The following ESD variants were observed in gnomAD, a reference collection of about 807,000 sequenced individuals.
ESD encodes esterase D, also known as S-formylglutathione hydrolase.
Under a neutral mutation model 38.1 loss-of-function variants are expected in ESD, and 34 were observed. The observed-to-expected ratio is 0.89, with a 90% CI of 0.68 to 1.19. The LOEUF is 1.19. Among genes scored for constraint, ESD ranks in the 50% most tolerant of loss-of-function variants. The pLI is 0.00. For missense variants in ESD, 334 were observed against 327.2 expected, an observed-to-expected ratio of 1.02 and a Z score of -0.16; for synonymous variants, 97 against 107.0, an observed-to-expected ratio of 0.91 and a Z score of 0.58.
chr13:46,793,960 G>A (rs1365083024), intron 1 of ESD, among the ~76,000 whole-genome samples: 1 of 152,144 alleles, frequency 6.6e-6, no homozygotes, highest in African/African-American at 2.4e-5. Flanking sequence ...TATGAACGAT[G>A]AAGTGACTGA....
At chr13:46,775,636 A>G (rs1874769420) in intron 9 of ESD, 2 of 470,528 alleles carry the variant, frequency 4.3e-6, no homozygotes, top group African/African-American at 2.0e-5. Flanking sequence ...ATTCAATTAC[A>G]ACGAATCTCA....
rs1213248502 is a variant in ESD at position 46,771,282 on chromosome 13, G to A, written c.*134C>T. 1.8e-6 allele frequency: 1 copy of A among 559,020 alleles called. No homozygotes were observed. The highest frequency in any genetic ancestry group is 1.9e-5 in the African/African-American group (1 of 51,678). The allele number at this position is 559,020 out of a possible 1,614,324, so 34.6% of individuals were successfully genotyped here. The stretch of plus-strand genomic sequence containing the variant: ...AGGTTTTATATCTTTATTCAGAGGT[G>A]ATTCAACTATAGAATAAAGCCCTTT... On this transcript the variant is annotated 3_prime_UTR_variant, in exon 10 of 10. Transcript: ENST00000378720.
chr13:46,777,369 TC>T, intron 9 of ESD, 86 bp downstream of exon 9: 1 of 1,090,890 alleles, frequency 9.2e-7, no homozygotes, highest in Non-Finnish European at 1.3e-6. Flanking sequence ...CATTTTATAT[TC>T]TAAAATAAAG....
At chr13:46,777,427 A>C in intron 9 of ESD, 29 bp downstream of exon 9, 1 of 1,542,516 alleles carries the variant, frequency 6.5e-7, no homozygotes, top group South Asian at 1.2e-5. Context: ...TACATTATCT[A>C]GATCAAGCTA....
At chr13:46,779,273 C>T (rs1045244531) in intron 8 of ESD, among the ~76,000 whole-genome samples, 2 of 151,678 alleles carry the variant, frequency 1.3e-5, no homozygotes, top group Non-Finnish European at 3.0e-5. Context: ...ATCTGAAATG[C>T]TAAATTTTGA....
rs755443918 is a variant in ESD, at chr13:46,791,354, T to C, written c.60A>G (p.Glu20=). 1.1e-5 allele frequency: 17 copies of C among 1,611,848 alleles called. No homozygotes were observed. The Admixed American group carries it at 1.3e-4, about 13-fold the overall frequency. Residue 20 remains glutamate, a synonymous_variant, in exon 3 of 10, where the codon GAA becomes GAG. Transcript: ENST00000378720. ...ATCTTCTTAATAGTTACCTGTCATG[T>C]TCAAAAACTTTCTGCAATCCCCCAA... The part of the protein sequence containing the change: ...KCFGGLQKVF[E]HDSVELNCKM...
chr13:46,786,688 G>T, intron 4 of ESD, among the ~76,000 whole-genome samples: 1 of 151,842 alleles, frequency 6.6e-6, no homozygotes, highest in East Asian at 1.9e-4. Context: ...ACCTAATATT[G>T]TTCTAATGGA....
chr13:46,778,392 G>A (rs1874880450), intron 8 of ESD, among the ~76,000 whole-genome samples: 1 of 151,800 alleles, frequency 6.6e-6, no homozygotes, highest in Non-Finnish European at 1.5e-5. Context: ...TAGAGTGGGA[G>A]AGGACCTATA....
rs779578311 is a variant in ESD at position 46,779,981 on chromosome 13, T to C, written c.554A>G (p.Lys185Arg). The change falls in exon 8 of 10, where the codon AAA (lysine) becomes AGA (arginine). Residue 185 changes from lysine to arginine, a missense_variant. Transcript: ENST00000378720. ...TCCCAAATATCCACTAAAGGCTTTT[T>C]TGCCCCAGGGACAGAGTACAGGGTT... ...ICNPVLCPWG[K>R]KAFSGYLGTD... The C allele has an allele frequency of 6.2e-6, 10 of 1,606,202 alleles. No individual in the cohort carries two copies. The Admixed American group carries it at 1.2e-4, about 19-fold the overall frequency.
At chr13:46,775,603 T>C (rs1205339375) in intron 9 of ESD, 1 of 469,858 alleles carries the variant, frequency 2.1e-6, no homozygotes. Flanking sequence ...AGCCACTACT[T>C]AGGCATGCTC....
At chr13:46,797,631 T>C (rs1255179768), upstream of ESD, among the ~76,000 whole-genome samples, 3 of 152,264 alleles carry the variant, frequency 2.0e-5, no homozygotes. Context: ...AAGAAACCTT[T>C]GAAATCTCCA....
chr13:46,789,977 GGC>G (rs1271262189), intron 3 of ESD, among the ~76,000 whole-genome samples: 1 of 148,318 alleles, frequency 6.7e-6, no homozygotes, highest in South Asian at 2.2e-4. Flanking sequence ...AACCATGCCT[GGC>G]TAATTTTTGT....
intron 5 of ESD, among the ~76,000 whole-genome samples, chr13:46,783,465 T>C (rs1875083381): frequency 6.6e-6 from 1 of 151,996 alleles, no homozygotes; most frequent in Non-Finnish European, 1.5e-5. Flanking sequence ...TGTCGTAAGA[T>C]TCATTTTATC....
In ESD at chr13:46,776,822, T is replaced by C. The variant is rs1874814506; in HGVS notation, c.768+634A>G. ...TTTCACTCTAAAATATTTTAAATTA[T>C]ATTCTGAAGCTTATGAATTTTTCTT... On this transcript the variant is annotated intron_variant, in intron 9 of 9. Transcript: ENST00000378720. 3.3e-5 allele frequency: 5 copies of C among 152,198 alleles called. 1 individual carries two copies. The South Asian group carries it at 1.0e-3, about 32-fold the overall frequency. The allele number at this position is 152,198 out of a possible 1,614,324, so 9.4% of individuals were successfully genotyped here. A position where few individuals can be genotyped will look rare whatever the true frequency, so the allele number is the denominator to read the frequency against.
At chr13:46,781,718 G>A (rs1433245679) in intron 6 of ESD, 103 bp from the exon 7 acceptor site, 4 of 1,069,516 alleles carry the variant, frequency 3.7e-6, no homozygotes, top group Non-Finnish European at 5.6e-6. Context: ...CCAAATCATA[G>A]TCTTACAATG....
At chr13:46,772,895 A>G (rs533550319) in intron 9 of ESD, among the ~76,000 whole-genome samples, 19 of 152,302 alleles carry the variant, frequency 1.2e-4, no homozygotes, top group African/African-American at 4.3e-4. Context: ...CATGTTAGCC[A>G]GGATGGTCTC....
In ESD at chr13:46,784,339, T is replaced by C. The variant is rs943899803; in HGVS notation, c.169A>G (p.Thr57Ala). 6 of 1,609,386 alleles carry C rather than the reference T, an allele frequency of 3.7e-6. No individual in the cohort carries two copies. In the African/African-American group the frequency reaches 5.4e-5, roughly 14 times the overall value. Residue 57 changes from threonine (T) to alanine (A), a missense_variant, in exon 5 of 10, where the codon ACA (threonine) becomes GCA (alanine). Thr to Ala is a moderately conservative substitution (Grantham distance 58). Coordinates refer to ENST00000378720, the MANE Select transcript of ESD (RefSeq NM_001984.2). ...ALYWLSGLTC[T>A]EQNFISKSGY... ...GATTTTGATATAAAATTTTGCTCTG[T>C]GCAAGTTAAACCTGAAGATAAAAAA...
At chr13:46,788,685 A>C (rs927168372) in intron 3 of ESD, among the ~76,000 whole-genome samples, 2 of 151,762 alleles carry the variant, frequency 1.3e-5, no homozygotes, top group Non-Finnish European at 2.9e-5. Context: ...AAAAAAAAAA[A>C]AAAAAACACA....
chr13:46,778,200 C>T (rs187649518), intron 8 of ESD, among the ~76,000 whole-genome samples: 43 of 151,958 alleles, frequency 2.8e-4, no homozygotes, highest in African/African-American at 9.9e-4. Context: ...TCAACATCAT[C>T]TCAAATTTAT....
Sources: allele counts gnomAD v4.1 joint callset (sites outside exome capture counted in the v4.1 genomes callset), GRCh38; gene constraint gnomAD v4.1.1; transcripts MANE v1.5; gene names NCBI Gene and HGNC (gene_info 2026-07-23, HGNC 2026-07-21).